COL6A6: variants seen among roughly 807,000 people sequenced by gnomAD.
COL6A6 encodes collagen alpha-6(VI) chain.
Under a neutral mutation model 208.6 loss-of-function variants are expected in COL6A6, and 183 were observed. That is an observed-to-expected ratio of 0.88 (90% confidence interval 0.78 to 0.99). The LOEUF is 0.99. Among genes scored for constraint, COL6A6 ranks in the 50% least tolerant of loss-of-function variants. The pLI, the probability that COL6A6 is intolerant of heterozygous loss-of-function variation, is 0.00. For missense variants in COL6A6, 2,816 were observed against 2,815.2 expected (o/e 1.00, Z -0.01); for synonymous variants, 973 against 1,011.8 (o/e 0.96, Z 0.73).
chr3:130,638,555 ACTC>A (rs764064308), intron 28 of COL6A6, among the ~76,000 whole-genome samples: 4 of 151,632 alleles, frequency 2.6e-5, no homozygotes, highest in Non-Finnish European at 4.4e-5. Flanking sequence ...TTATTCTCAG[ACTC>A]CTCTTGTTGG....
At position 130,661,823 on chromosome 3, in the gene COL6A6, C is replaced by T. The variant is rs373046640; in HGVS notation, c.6017C>T (p.Thr2006Ile). The T allele has an allele frequency of 6.2e-7, 1 of 1,613,874 alleles. No homozygotes were observed. Among genetic ancestry groups the T allele is most frequent in the Admixed American group, 1.7e-5 (1 of 59,996 alleles). ...EITPEPETSV[T>I]GDRVALLSHA... ...ACCCCAGAGCCGGAGACTTCTGTCA[C>T]TGGAGACCGGGTGGCCCTATTGAGC... Residue 2006 changes from threonine (T) to isoleucine (I), a missense_variant, in exon 35 of 37, where the codon ACT becomes ATT. Physicochemically the swap from Thr to Ile is moderately conservative, Grantham distance 89. Transcript: ENST00000358511.
intron 1 of COL6A6, among the ~76,000 whole-genome samples, chr3:130,539,401 C>A (rs934798406): frequency 6.6e-6 from 1 of 152,120 alleles, no homozygotes; most frequent in African/African-American, 2.4e-5. Context: ...TTCGGGAGGC[C>A]GAGGCCGGTG....
intron 8 of COL6A6, among the ~76,000 whole-genome samples, chr3:130,580,978 C>T (rs1343611482): frequency 6.6e-6 from 1 of 151,662 alleles, no homozygotes; most frequent in East Asian, 1.9e-4. Context: ...CAAGCAAGAT[C>T]TCAAAGGATC....
chr3:130,578,488 CA>C (rs1325890730), intron 8 of COL6A6, among the ~76,000 whole-genome samples: 1 of 152,056 alleles, frequency 6.6e-6, no homozygotes, highest in African/African-American at 2.4e-5. Context: ...AAAGTAAATA[CA>C]AGGTAGTATG....
In COL6A6 at chr3:130,627,303, A is replaced by C. The variant is rs777252842; in HGVS notation, c.4942-16A>C. 1 of 1,611,596 alleles carries C rather than the reference A, an allele frequency of 6.2e-7. No individual in the cohort carries two copies. Among genetic ancestry groups the C allele is most frequent in the South Asian group, 1.1e-5 (1 of 90,990 alleles). On this transcript the variant is annotated splice_polypyrimidine_tract_variant and intron_variant, in intron 25 of 36. Transcript: ENST00000358511. ...CTGTAGTCTGGGATGTTGGTAATCA[A>C]TTGCTCTGTTTACAGGGCAATGATG...
rs2063157025 is a variant in COL6A6 at position 130,571,220 on chromosome 3, C to G, written c.2804C>G (p.Ala935Gly). Residue 935 changes from alanine to glycine, a missense_variant, in exon 7 of 37, where the codon GCC becomes GGC. Coordinates refer to ENST00000358511, the MANE Select transcript of COL6A6 (RefSeq NM_001102608.3). ...DADKLNATAK[A>G]LRDKGILVLA... ...GATAAACTCAATGCCACGGCAAAGG[C>G]CTTGCGGGACAAAGGCATTCTTGTC... is the stretch of plus-strand genomic sequence containing the variant. The G allele has an allele frequency of 1.2e-6, 2 of 1,613,758 alleles. 1 individual carries two copies. The highest frequency in any genetic ancestry group is 2.2e-5 in the South Asian group (2 of 91,032).
chr3:130,581,891 C>T lies in COL6A6; in HGVS notation c.3878C>T (p.Ala1293Val), dbSNP rs1044987800. 5.6e-6 allele frequency: 9 copies of T among 1,605,350 alleles called. No homozygotes were observed. Among genetic ancestry groups the T allele is most frequent in the African/African-American group, 1.3e-5 (1 of 74,740 alleles). ...SLWDTFQNKSAARGKVVLLFS... is the reference protein window; with the variant it reads ...SLWDTFQNKSVARGKVVLLFS... ...TGGGATACATTTCAGAATAAATCAG[C>T]TGCTCGAGGAAAGGTAACATGGATT... The change falls in exon 9 of 37, where the codon GCT becomes GTT. Residue 1293 changes from alanine (A) to valine (V), a missense_variant. Physicochemically the swap from Ala to Val is moderately conservative, Grantham distance 64. Coordinates refer to ENST00000358511, the MANE Select transcript of COL6A6 (RefSeq NM_001102608.3).
chr3:130,627,376 C>A lies in COL6A6; in HGVS notation c.4992+7C>A. 6.2e-7 allele frequency: 1 copy of A among 1,613,202 alleles called. No individual in the cohort carries two copies. The highest frequency in any genetic ancestry group is 1.1e-5 in the South Asian group (1 of 91,038). On this transcript the variant is annotated splice_region_variant and intron_variant, in intron 26 of 36. Transcript: ENST00000358511. ...CGGACGCAAGGGAGCAAAGGTAAGT[C>A]AAGTCTGCTGGAAGCTGGACGTTTT...
chr3:130,564,712 A>T (rs1355583797), intron 3 of COL6A6, among the ~76,000 whole-genome samples: 1 of 152,230 alleles, frequency 6.6e-6, no homozygotes, highest in Non-Finnish European at 1.5e-5. Context: ...AATTTTATGT[A>T]CCAGGCCCCA....
chr3:130,618,591 CA>C lies in COL6A6; in HGVS notation c.4816-3229del, dbSNP rs528341446. Among the ~76,000 whole-genome samples the C allele has an allele frequency of 2.7e-3, 416 of 152,260 alleles. 2 individuals carry two copies. The highest frequency in any genetic ancestry group is 4.0e-3 in the Non-Finnish European group (275 of 68,016). On this transcript the variant is annotated intron_variant, in intron 23 of 36. Transcript: ENST00000358511. ...TTTTTGTCTTTCTTTTAGAAACCAC[CA>C]GTGTGATTCCTTATCTAACCAGCAG...
At chr3:130,604,545 G>A (rs1035718476) in intron 20 of COL6A6, among the ~76,000 whole-genome samples, 2 of 151,582 alleles carry the variant, frequency 1.3e-5, no homozygotes, top group African/African-American at 2.4e-5. Context: ...GGTGCTATGC[G>A]ATCGTTTCTA....
chr3:130,673,988 C>A (rs2066297418), intron 36 of COL6A6, among the ~76,000 whole-genome samples: 1 of 152,126 alleles, frequency 6.6e-6, no homozygotes, highest in South Asian at 2.1e-4. Flanking sequence ...GTCTAGGGGA[C>A]TTCAGTTGTT....
At chr3:130,608,878 C>T (rs776599747) in intron 21 of COL6A6, 24 bp from the exon 22 acceptor site, 1 of 1,427,184 alleles carries the variant, frequency 7.0e-7, no homozygotes, top group East Asian at 3.4e-5. Context: ...ACAGTGTTAA[C>T]AGATTGATTC....
At chr3:130,658,533 G>C (rs1050314465) in intron 33 of COL6A6, 143 bp from the exon 34 acceptor site, 5 of 612,168 alleles carry the variant, frequency 8.2e-6, no homozygotes, top group African/African-American at 5.5e-5. Flanking sequence ...AGAGCTCTTA[G>C]CCATGCTTAC....
chr3:130,608,859 G>C, intron 21 of COL6A6, 43 bp from the exon 22 acceptor site: 1 of 1,284,568 alleles, frequency 7.8e-7, no homozygotes, highest in Non-Finnish European at 1.0e-6. Context: ...GAGACAAAAT[G>C]TTCAGGAAAC....
intron 19 of COL6A6, 95 bp downstream of exon 19, chr3:130,598,525 C>T: frequency 1.2e-6 from 1 of 838,968 alleles, no homozygotes; most frequent in South Asian, 1.6e-5. Context: ...AAACTGGAAT[C>T]AAAGTGGATA....
chr3:130,566,608 T>G, intron 4 of COL6A6, 94 bp from the exon 5 acceptor site: 3 of 1,046,014 alleles, frequency 2.9e-6, no homozygotes, highest in Non-Finnish European at 2.7e-6. Flanking sequence ...TTTTTCTGTC[T>G]GAAGAGGTTC....
intron 24 of COL6A6, among the ~76,000 whole-genome samples, chr3:130,625,885 C>T (rs1354314928): frequency 3.3e-5 from 5 of 152,090 alleles, no homozygotes; most frequent in Non-Finnish European, 7.4e-5. Context: ...AGGAACTTTC[C>T]ATATTATGTT....
chr3:130,594,540 A>G (rs978745233), intron 18 of COL6A6, 197 bp downstream of exon 18: 1 of 426,978 alleles, frequency 2.3e-6, no homozygotes, highest in Non-Finnish European at 4.2e-6. Flanking sequence ...AAAAGCCCTT[A>G]CATGTCTTTT....
Sources: gnomAD v4.1 joint callset for allele counts (sites outside exome capture counted in the v4.1 genomes callset) on GRCh38, gnomAD v4.1.1 for gene constraint, MANE v1.5 for transcripts, NCBI Gene and HGNC (gene_info 2026-07-23, HGNC 2026-07-21) for gene names.